The following EXTL3 variants were observed in gnomAD, a reference collection of about 807,000 sequenced individuals.
The protein encoded by EXTL3 is exostosin like glycosyltransferase 3, also known as exostosin-like 3.
EXTL3 carries 27 observed loss-of-function variants against 69.3 expected under a neutral mutation model. The ratio of observed to expected loss-of-function variants is 0.39; its 90% confidence interval spans 0.29 to 0.54. The LOEUF is 0.54. Among genes scored for constraint, EXTL3 ranks in the 20% least tolerant of loss-of-function variants. EXTL3 has a pLI of 0.69. For synonymous variants in EXTL3, 511 were observed against 499.4 expected (o/e 1.02, Z -0.31); for missense variants, 1,003 against 1,231.8 (o/e 0.81, Z 2.78).
At chr8:28,714,125 C>G (rs763464428) in intron 2 of EXTL3, among the ~76,000 whole-genome samples, 1 of 151,990 alleles carries the variant, frequency 6.6e-6, no homozygotes. Flanking sequence ...AGGCTGGTCT[C>G]AAACTCCTGA....
intron 3 of EXTL3, among the ~76,000 whole-genome samples, chr8:28,722,353 C>T (rs1801308443): frequency 6.6e-6 from 1 of 152,168 alleles, no homozygotes; most frequent in Non-Finnish European, 1.5e-5. Flanking sequence ...AGCAAAAAGA[C>T]TTGCAGTAGC....
intron 3 of EXTL3, among the ~76,000 whole-genome samples, chr8:28,722,264 G>T (rs867531487): frequency 6.6e-6 from 1 of 152,194 alleles, no homozygotes; most frequent in African/African-American, 2.4e-5. Flanking sequence ...GTTTTATCCT[G>T]TCTGCCTTAG....
At chr8:28,651,131 G>T (rs563648380) in intron 1 of EXTL3, among the ~76,000 whole-genome samples, 1 of 152,304 alleles carries the variant, frequency 6.6e-6, no homozygotes, top group Admixed American at 6.5e-5. Context: ...ATGCTGCAAT[G>T]AGCATGTCCT....
intron 1 of EXTL3, among the ~76,000 whole-genome samples, chr8:28,709,720 TG>T (rs1406886256): frequency 3.3e-5 from 5 of 152,208 alleles, no homozygotes; most frequent in African/African-American, 1.2e-4. Context: ...GTAGGATGGT[TG>T]TTATATCAAC....
intron 1 of EXTL3, among the ~76,000 whole-genome samples, chr8:28,653,084 G>A (rs1806953577): frequency 6.6e-6 from 1 of 152,130 alleles, no homozygotes; most frequent in South Asian, 2.1e-4. Context: ...TGCAAGTTTT[G>A]ATGAGTGTAT....
Position 28,611,657 on chromosome 8 carries a change from G to A in EXTL3, n.314+3899G>A, listed in dbSNP as rs552534206. 2.0e-5 allele frequency among the ~76,000 whole-genome samples: 3 copies of A among 152,280 alleles called. No homozygotes were observed. The East Asian group carries it at 5.8e-4, about 29-fold the overall frequency. ...GCAGCTGGGGCATCTGAAATGCAGG[G>A]ATTTGTTGTTGTGAGCCCCGAGGTG... On this transcript the variant is annotated intron_variant and non_coding_transcript_variant, in intron 2 of 4. Transcript: ENST00000522725.
At chr8:28,612,023 G>A (rs998446203) in intron 2 of EXTL3, among the ~76,000 whole-genome samples, 8 of 152,196 alleles carry the variant, frequency 5.3e-5, no homozygotes, top group African/African-American at 1.9e-4. Flanking sequence ...GTATTCTGAT[G>A]GCAGACAGGA....
Position 28,731,344 on chromosome 8 carries a change from G to C in EXTL3, c.2270G>C (p.Gly757Ala). The C allele has an allele frequency of 6.2e-7, 1 of 1,614,216 alleles. No individual in the cohort carries two copies. The highest frequency in any genetic ancestry group is 8.5e-7 in the Non-Finnish European group (1 of 1,180,038). ...AHLRHDEIMFGFRVWREARDR... is the reference protein window; with the variant it reads ...AHLRHDEIMFAFRVWREARDR... ...CTCCGCCATGACGAAATCATGTTTG[G>C]GTTCCGGTGAGAGACTAATTTCCAA... Residue 757 changes from glycine (G) to alanine (A), a missense_variant, in exon 4 of 7, where the codon GGG becomes GCG. Physicochemically the swap from Gly to Ala is moderately conservative, Grantham distance 60. Transcript: ENST00000220562.
intron 1 of EXTL3, among the ~76,000 whole-genome samples, chr8:28,667,066 G>A (rs958991534): frequency 6.6e-6 from 1 of 152,230 alleles, no homozygotes; most frequent in Non-Finnish European, 1.5e-5. Flanking sequence ...ATCCTCTGGG[G>A]CGGCAAGGAT....
chr8:28,685,198 C>T (rs1255302320), intron 1 of EXTL3, among the ~76,000 whole-genome samples: 4 of 152,214 alleles, frequency 2.6e-5, no homozygotes, highest in African/African-American at 7.2e-5. Context: ...GATCCACCCA[C>T]CTCGGCCTCC....
At chr8:28,677,855 G>A (rs916952184) in intron 1 of EXTL3, among the ~76,000 whole-genome samples, 18 of 152,366 alleles carry the variant, frequency 1.2e-4, no homozygotes, top group African/African-American at 4.1e-4. Flanking sequence ...AGCACCAGGA[G>A]AGGTGCTGGG....
intron 4 of EXTL3, among the ~76,000 whole-genome samples, chr8:28,734,065 G>A (rs1801597194): frequency 1.3e-5 from 2 of 151,014 alleles, no homozygotes; most frequent in South Asian, 4.2e-4. Context: ...TGATCTGCCC[G>A]CCTCGGCCTC....
chr8:28,737,622 G>A lies in EXTL3; in HGVS notation c.2380G>A (p.Glu794Lys). The A allele has an allele frequency of 6.2e-7, 1 of 1,614,098 alleles. No individual in the cohort carries two copies. The highest frequency in any genetic ancestry group is 8.5e-7 in the Non-Finnish European group (1 of 1,179,958). ...GCTCTACAACTCCAACTACTCCTGT[G>A]AGCTGTCCATGGTGCTGACAGGTGC... Reference protein sequence around the residue: ...SWLYNSNYSCELSMVLTGAAF... With the variant: ...SWLYNSNYSCKLSMVLTGAAF... The change falls in exon 5 of 7, where the codon GAG becomes AAG. Residue 794 changes from glutamate to lysine, a missense_variant. Transcript: ENST00000220562.
At chr8:28,613,109 GTTTTC>G (rs776780594) in intron 2 of EXTL3, among the ~76,000 whole-genome samples, 2 of 152,116 alleles carry the variant, frequency 1.3e-5, no homozygotes, top group African/African-American at 4.8e-5. Context: ...TTGGTCTATA[GTTTTC>G]TTTTCTTGTA....
In EXTL3 at chr8:28,694,518, T is replaced by C. The variant is rs1235861131; in HGVS notation, c.-52-18939T>C. Among the ~76,000 whole-genome samples the C allele has an allele frequency of 2.0e-5, 3 of 152,230 alleles. No individual in the cohort carries two copies. The South Asian group carries it at 6.2e-4, about 32-fold the overall frequency. On this transcript the variant is annotated intron_variant, in intron 1 of 6. Transcript: ENST00000523149. Reference sequence around the variant, plus strand: ...ACAGCGGAGCACAGCTGGTAAAGTTTCAGGCTCTGGAGTTAGACTGTCAGG... The same window carrying C: ...ACAGCGGAGCACAGCTGGTAAAGTTCCAGGCTCTGGAGTTAGACTGTCAGG...
chr8:28,729,832 G>A (rs1021398695), intron 3 of EXTL3, among the ~76,000 whole-genome samples: 8 of 150,802 alleles, frequency 5.3e-5, no homozygotes, highest in African/African-American at 2.0e-4. Flanking sequence ...ATGAGACTTC[G>A]AGAACTCGCT....
At chr8:28,646,123 A>G (rs1203188955) in intron 1 of EXTL3, among the ~76,000 whole-genome samples, 1 of 152,162 alleles carries the variant, frequency 6.6e-6, no homozygotes. Flanking sequence ...CGGCTTCCCA[A>G]AGTGTTGGGA....
intron 1 of EXTL3, among the ~76,000 whole-genome samples, chr8:28,690,408 A>G (rs925686793): frequency 6.6e-6 from 1 of 152,122 alleles, no homozygotes; most frequent in East Asian, 1.9e-4. Flanking sequence ...TTATTATTTC[A>G]TAGTTTCTGT....
rs1801680268 is a variant in EXTL3 at position 28,737,626 on chromosome 8, T to C, written c.2384T>C (p.Leu795Pro). The C allele has an allele frequency of 6.2e-7, 1 of 1,614,144 alleles. No homozygotes were observed. The highest frequency in any genetic ancestry group is 8.5e-7 in the Non-Finnish European group (1 of 1,179,960). ...WLYNSNYSCE[L>P]SMVLTGAAFF... is the part of the protein sequence containing the mutation. Reference sequence around the variant, plus strand: ...TACAACTCCAACTACTCCTGTGAGCTGTCCATGGTGCTGACAGGTGCTGCC... The same window carrying C: ...TACAACTCCAACTACTCCTGTGAGCCGTCCATGGTGCTGACAGGTGCTGCC... The change falls in exon 5 of 7, where the codon CTG becomes CCG. Residue 795 changes from leucine (L) to proline (P), a missense_variant. Leu to Pro is a moderately conservative substitution (Grantham distance 98). This residue lies in a region of EXTL3 where 261 missense variants were observed against 416.4 expected (regional missense o/e 0.63). Coordinates refer to ENST00000220562, the MANE Select transcript of EXTL3 (RefSeq NM_001440.4).
Sources: gnomAD v4.1 joint callset for allele counts (sites outside exome capture counted in the v4.1 genomes callset) on GRCh38, gnomAD v4.1.1 for gene constraint, gnomAD v4.1.1 regional missense constraint, MANE v1.5 for transcripts, NCBI Gene and HGNC (gene_info 2026-07-23, HGNC 2026-07-21) for gene names.